TGFBR2: variants seen among roughly 807,000 people sequenced by gnomAD.
TGFBR2 encodes the protein TGF-beta receptor type-2.
In TGFBR2, 18 loss-of-function variants were observed where a neutral mutation model predicts 49.0. That is an observed-to-expected ratio of 0.37 (90% CI 0.25 to 0.54). The LOEUF is 0.54. Ranked by LOEUF, TGFBR2 falls within the 20% of genes least tolerant of loss-of-function variation. TGFBR2 has a pLI of 0.85. For synonymous variants in TGFBR2, 282 were observed against 275.9 expected, an observed-to-expected ratio of 1.02 and a Z score of -0.22; for missense variants, 525 against 722.6, an observed-to-expected ratio of 0.73 and a Z score of 3.13.
At chr3:30,618,373 G>A (rs748195716) in intron 1 of TGFBR2, among the ~76,000 whole-genome samples, 13 of 152,080 alleles carry the variant, frequency 8.5e-5, no homozygotes, top group Non-Finnish European at 1.9e-4. Flanking sequence ...GGGATTACAG[G>A]TGTGCACCAA....
chr3:30,672,560 T>C lies in TGFBR2; in HGVS notation c.1254+123T>C. 9.1e-7 allele frequency: 1 copy of C among 1,101,658 alleles called. No individual in the cohort carries two copies. The highest frequency in any genetic ancestry group is 1.4e-6 in the Non-Finnish European group (1 of 724,196). The allele number at this position is 1,101,658 out of a possible 1,614,324, so 68.2% of individuals were successfully genotyped here. A position where few individuals can be genotyped will look rare whatever the true frequency, so the allele number is the denominator to read the frequency against. On this transcript the variant is annotated intron_variant, in intron 4 of 6. Coordinates refer to ENST00000295754, the MANE Select transcript of TGFBR2 (RefSeq NM_003242.6). This position sits in a 1 kb window ranked among gnomAD's most constrained non-coding sequence, Gnocchi z 4.5. ...ACTCTGGACACTGGTCTAGGGAATC[T>C]AGCCAAAGTATGGAGTCTGCCTTGA...
At chr3:30,646,630 A>G (rs2125406324) in intron 2 of TGFBR2, among the ~76,000 whole-genome samples, 1 of 152,338 alleles carries the variant, frequency 6.6e-6, no homozygotes, top group Non-Finnish European at 1.5e-5. Flanking sequence ...CAACAGCAGA[A>G]CAGGCTTCCT....
At chr3:30,622,027 T>C (rs1217553242) in intron 1 of TGFBR2, among the ~76,000 whole-genome samples, 2 of 152,254 alleles carry the variant, frequency 1.3e-5, no homozygotes, top group Admixed American at 1.3e-4. Context: ...AACAATTTTG[T>C]TCTTCCTTAT....
chr3:30,691,882 C>T lies in TGFBR2; in HGVS notation c.*283C>T, dbSNP rs1435344463. ...AATAACATTTGCACTTTATTAATGC[C>T]TGTATATAAATATGAATAGCTATGT... On this transcript the variant is annotated 3_prime_UTR_variant, in exon 7 of 7. Coordinates refer to ENST00000295754, the MANE Select transcript of TGFBR2 (RefSeq NM_003242.6). The T allele has an allele frequency of 7.5e-6, 3 of 397,742 alleles. No homozygotes were observed. The highest frequency in any genetic ancestry group is 1.4e-5 in the Non-Finnish European group (3 of 213,056). 24.6% of individuals were successfully genotyped at this position (397,742 alleles called of 1,614,324 possible).
At chr3:30,688,768 G>C (rs566616194) in intron 6 of TGFBR2, among the ~76,000 whole-genome samples, 2 of 152,310 alleles carry the variant, frequency 1.3e-5, no homozygotes, top group South Asian at 4.1e-4. Flanking sequence ...AAGCCCCCTT[G>C]GTCCTGGGTT....
chr3:30,680,927 G>A (rs138734088), intron 5 of TGFBR2, among the ~76,000 whole-genome samples: 10 of 152,052 alleles, frequency 6.6e-5, no homozygotes, highest in Admixed American at 1.3e-4. Context: ...GGGTGAAGGC[G>A]GGTGAAGGCG....
At chr3:30,689,726 G>A (rs1306917313) in intron 6 of TGFBR2, among the ~76,000 whole-genome samples, 1 of 152,238 alleles carries the variant, frequency 6.6e-6, no homozygotes, top group Non-Finnish European at 1.5e-5. Flanking sequence ...AAATCAGAAT[G>A]TGCTGGAGTG....
intron 5 of TGFBR2, among the ~76,000 whole-genome samples, chr3:30,678,930 T>C (rs1312765946): frequency 6.6e-6 from 1 of 152,196 alleles, no homozygotes; most frequent in Non-Finnish European, 1.5e-5. Context: ...CTGAATGAAG[T>C]AGGATACAAG....
intron 1 of TGFBR2, among the ~76,000 whole-genome samples, chr3:30,629,981 T>G (rs992360107): frequency 1.3e-5 from 2 of 152,202 alleles, no homozygotes; most frequent in Non-Finnish European, 2.9e-5. Context: ...AAACAGACTG[T>G]GCTTGTCATT....
intron 3 of TGFBR2, among the ~76,000 whole-genome samples, chr3:30,669,693 G>T (rs1699305450): frequency 1.3e-5 from 2 of 152,164 alleles, no homozygotes; most frequent in South Asian, 4.1e-4. Flanking sequence ...AGGGAAGATG[G>T]AGCTGCCATC....
chr3:30,690,623 C>T (rs1699693425), intron 6 of TGFBR2, among the ~76,000 whole-genome samples: 1 of 152,058 alleles, frequency 6.6e-6, no homozygotes, highest in African/African-American at 2.4e-5. Context: ...GGTAATCAGC[C>T]CTGTTAAAAT....
chr3:30,607,830 TATATATAATTATATATATAA>T (rs1336437583), intron 1 of TGFBR2, among the ~76,000 whole-genome samples: 19 of 125,546 alleles, frequency 1.5e-4, no homozygotes, highest in African/African-American at 7.8e-4. Context: ...TATATAAATA[TATATATAATTATATATATAA>T]ATATATATAA....
intron 1 of TGFBR2, among the ~76,000 whole-genome samples, chr3:30,636,804 C>G (rs374437705): frequency 2.6e-5 from 4 of 151,798 alleles, no homozygotes; most frequent in African/African-American, 9.7e-5. Flanking sequence ...GTGGCTCAAG[C>G]CTGTAATCCC....
intron 1 of TGFBR2, among the ~76,000 whole-genome samples, chr3:30,610,942 G>C (rs960613950): frequency 6.6e-6 from 1 of 152,184 alleles, no homozygotes; most frequent in African/African-American, 2.4e-5. Context: ...TGTTCAGGAT[G>C]TCTGGAACTC....
intron 1 of TGFBR2, among the ~76,000 whole-genome samples, chr3:30,621,473 G>GT (rs765774519): frequency 2.4e-4 from 37 of 152,046 alleles, no homozygotes; most frequent in Non-Finnish European, 2.4e-4. Flanking sequence ...TAGAGACAGG[G>GT]TTTTGCCATG....
At chr3:30,645,982 T>G (rs1698730128) in intron 2 of TGFBR2, among the ~76,000 whole-genome samples, 2 of 152,214 alleles carry the variant, frequency 1.3e-5, no homozygotes, top group African/African-American at 2.4e-5. Flanking sequence ...AGTTGTAATT[T>G]TACAAAAGTA....
intron 5 of TGFBR2, among the ~76,000 whole-genome samples, chr3:30,686,982 T>C (rs1699633481): frequency 6.6e-6 from 1 of 152,126 alleles, no homozygotes; most frequent in Admixed American, 6.6e-5. Flanking sequence ...ACCCTTGCAA[T>C]TGGCACCAAG....
chr3:30,613,909 C>T (rs924783058), intron 1 of TGFBR2, among the ~76,000 whole-genome samples: 2 of 152,192 alleles, frequency 1.3e-5, no homozygotes, highest in East Asian at 1.9e-4. Context: ...GGTGGATCTG[C>T]AGCAGCAACA....
At position 30,672,466 on chromosome 3, in the gene TGFBR2, T is replaced by G. The variant is rs753665631; in HGVS notation, c.1254+29T>G. ...AGTTAGAGCTAGTGCTAGATCCCCTTTACCTTGAGCCTGGCCTCACCCTAC... is the reference window on the plus strand; with the variant it reads ...AGTTAGAGCTAGTGCTAGATCCCCTGTACCTTGAGCCTGGCCTCACCCTAC... On this transcript the variant is annotated intron_variant, in intron 4 of 6. Coordinates refer to ENST00000295754, the MANE Select transcript of TGFBR2 (RefSeq NM_003242.6). This position sits in a 1 kb window ranked among gnomAD's most constrained non-coding sequence, Gnocchi z 4.5. 2.6e-5 allele frequency: 42 copies of G among 1,611,730 alleles called. No homozygotes were observed. In the East Asian group the frequency reaches 8.9e-4, roughly 34 times the overall value.
Sources: gnomAD v4.1 joint callset for allele counts (sites outside exome capture counted in the v4.1 genomes callset) on GRCh38, gnomAD v4.1.1 for gene constraint, Gnocchi (gnomAD v3.1) non-coding constraint, MANE v1.5 for transcripts, NCBI Gene and HGNC (gene_info 2026-07-23, HGNC 2026-07-21) for gene names.